The following ATP8A2 variants were observed in gnomAD, a reference collection of about 807,000 sequenced individuals.
The protein encoded by ATP8A2 is phospholipid-transporting ATPase IB.
ATP8A2 carries 100 observed loss-of-function variants against 165.6 expected under a neutral mutation model. That is an observed-to-expected ratio of 0.60 (90% CI 0.51 to 0.71). The LOEUF is 0.71. ATP8A2 is among the 30% of genes least tolerant of loss of function. The pLI is 0.00. For synonymous variants in ATP8A2, 543 were observed against 548.8 expected, an observed-to-expected ratio of 0.99 and a Z score of 0.15; for missense variants, 1,227 against 1,479.5, an observed-to-expected ratio of 0.83 and a Z score of 2.80.
chr13:25,480,088 C>T lies in ATP8A2; in HGVS notation c.221+10967C>T, dbSNP rs1475247486. 8.3e-3 allele frequency among the ~76,000 whole-genome samples: 1,251 copies of T among 150,324 alleles called. 30 individuals carry two copies. Among genetic ancestry groups the T allele is most frequent in the African/African-American group, 0.029 (1,164 of 40,036 alleles). ...GGCGGCTGGGCAGAGGCGCCCCTCA[C>T]CTCCCGGACGGGGCGGCTGGCCGGG... On this transcript the variant is annotated intron_variant, in intron 2 of 36. Coordinates refer to ENST00000381655, the MANE Select transcript of ATP8A2 (RefSeq NM_016529.6).
rs938900258 is a variant in ATP8A2, at chr13:25,821,831, A to C, written c.2680-6287A>C. Among the ~76,000 whole-genome samples, 3 of 152,176 alleles carry C rather than the reference A, an allele frequency of 2.0e-5. No individual in the cohort carries two copies. The South Asian group carries it at 6.2e-4, about 32-fold the overall frequency. ...CTCCCCCAAGGTGTGACAGTAAAAA[A>C]CATTTCCAGATCCTGTCAAATGTCT... On this transcript the variant is annotated intron_variant, in intron 27 of 36. Coordinates refer to ENST00000381655, the MANE Select transcript of ATP8A2 (RefSeq NM_016529.6).
intron 15 of ATP8A2, among the ~76,000 whole-genome samples, chr13:25,561,598 C>T (rs1394074289): frequency 2.6e-5 from 4 of 150,986 alleles, no homozygotes. Flanking sequence ...TGGCTGTGTG[C>T]TCATATATTT....
intron 24 of ATP8A2, among the ~76,000 whole-genome samples, chr13:25,611,327 C>T (rs778089389): frequency 4.0e-5 from 6 of 151,834 alleles, no homozygotes; most frequent in Non-Finnish European, 5.9e-5. Context: ...CCTTGTATGC[C>T]GATTTTGCTG....
intron 27 of ATP8A2, among the ~76,000 whole-genome samples, chr13:25,791,197 A>G (rs776930832): frequency 3.9e-5 from 6 of 152,196 alleles, no homozygotes; most frequent in Non-Finnish European, 8.8e-5. Context: ...ATGGGATACT[A>G]TGCAGCCATA....
At chr13:25,450,563 G>A (rs183946842) in intron 1 of ATP8A2, among the ~76,000 whole-genome samples, 1 of 151,950 alleles carries the variant, frequency 6.6e-6, no homozygotes, top group East Asian at 1.9e-4. Flanking sequence ...ACGGAGTCTC[G>A]CTCTGTCGCC....
chr13:25,700,062 A>G, intron 25 of ATP8A2, among the ~76,000 whole-genome samples: 1 of 152,174 alleles, frequency 6.6e-6, no homozygotes, highest in East Asian at 1.9e-4. Flanking sequence ...GCCTATGGTC[A>G]CAGGATATTC....
intron 1 of ATP8A2, among the ~76,000 whole-genome samples, chr13:25,462,309 G>A (rs954598488): frequency 5.3e-5 from 8 of 152,174 alleles, no homozygotes; most frequent in Admixed American, 4.6e-4. Context: ...CAGGCTGTGG[G>A]CTTCCCAGAC....
At position 26,021,452 on chromosome 13, in the gene ATP8A2, A is replaced by G. The variant is rs542969066; in HGVS notation, c.*1467A>G. The stretch of plus-strand genomic sequence containing the variant: ...TCTGTATCCCATCAGTGTTAGACAC[A>G]GGTACCTATCAGAATACGGCATATC... On this transcript the variant is annotated 3_prime_UTR_variant, in exon 37 of 37. Coordinates refer to ENST00000381655, the MANE Select transcript of ATP8A2 (RefSeq NM_016529.6). 6.6e-6 allele frequency: 1 copy of G among 152,234 alleles called. No homozygotes were observed. Among genetic ancestry groups the G allele is most frequent in the Non-Finnish European group, 1.5e-5 (1 of 68,050 alleles). 9.4% of individuals were successfully genotyped at this position (152,234 alleles called of 1,614,324 possible). A position where few individuals can be genotyped will look rare whatever the true frequency, so the allele number is the denominator to read the frequency against.
chr13:25,733,104 C>T (rs139201157), intron 25 of ATP8A2, among the ~76,000 whole-genome samples: 4 of 152,132 alleles, frequency 2.6e-5, no homozygotes, highest in South Asian at 2.1e-4. Flanking sequence ...AACTGTGTGT[C>T]GTGAAGTCAT....
intron 2 of ATP8A2, among the ~76,000 whole-genome samples, chr13:25,511,228 AT>A (rs35363277): frequency 1.3e-5 from 2 of 151,774 alleles, no homozygotes; most frequent in African/African-American, 2.4e-5. Context: ...TCCTTAAACA[AT>A]TTTTTTTGCA....
At chr13:25,729,051 C>T (rs558745217) in intron 25 of ATP8A2, among the ~76,000 whole-genome samples, 1 of 152,084 alleles carries the variant, frequency 6.6e-6, no homozygotes, top group Non-Finnish European at 1.5e-5. Flanking sequence ...CTCTCCACCT[C>T]TCTCTCCCTT....
chr13:25,539,752 A>T (rs2038410360), intron 7 of ATP8A2, among the ~76,000 whole-genome samples: 1 of 152,228 alleles, frequency 6.6e-6, no homozygotes, highest in African/African-American at 2.4e-5. Context: ...AAATAGGATT[A>T]TAATATCTGT....
intron 25 of ATP8A2, among the ~76,000 whole-genome samples, chr13:25,713,919 T>G (rs565589073): frequency 6.6e-6 from 1 of 152,262 alleles, no homozygotes; most frequent in African/African-American, 2.4e-5. Flanking sequence ...TTACGTAGAC[T>G]GTACAGTTAT....
intron 24 of ATP8A2, among the ~76,000 whole-genome samples, chr13:25,662,751 C>T (rs555147813): frequency 8.5e-5 from 13 of 152,280 alleles, no homozygotes; most frequent in East Asian, 1.9e-4. Flanking sequence ...CACTATTAGC[C>T]GGTGGATCTG....
At chr13:25,517,185 G>A (rs542359123) in intron 2 of ATP8A2, 4 of 150,874 alleles carry the variant, frequency 2.7e-5, no homozygotes, top group East Asian at 3.9e-4. Context: ...TGATCCCTGC[G>A]CAAGGATGAC....
chr13:25,469,178 C>T, intron 2 of ATP8A2, 57 bp downstream of exon 2: 3 of 1,586,688 alleles, frequency 1.9e-6, no homozygotes, highest in Non-Finnish European at 2.6e-6. Flanking sequence ...TGGGAAGGGG[C>T]TCGTCCTCCT....
At chr13:25,777,264 C>T (rs1355620722) in intron 27 of ATP8A2, among the ~76,000 whole-genome samples, 1 of 152,112 alleles carries the variant, frequency 6.6e-6, no homozygotes, top group East Asian at 1.9e-4. Context: ...CTTGACCGAG[C>T]CTATATGGTT....
intron 1 of ATP8A2, among the ~76,000 whole-genome samples, chr13:25,453,301 A>T (rs1417471709): frequency 6.6e-6 from 1 of 151,310 alleles, no homozygotes; most frequent in Non-Finnish European, 1.5e-5. Flanking sequence ...TAATTTTTGT[A>T]TTTTTAGTAA....
chr13:25,585,085 CAT>C (rs775809637), intron 23 of ATP8A2, among the ~76,000 whole-genome samples: 18 of 152,180 alleles, frequency 1.2e-4, no homozygotes, highest in South Asian at 4.1e-4. Flanking sequence ...AGTTCCAAGA[CAT>C]GTGTGTCTCC....
Sources: gnomAD v4.1 joint callset for allele counts (sites outside exome capture counted in the v4.1 genomes callset) on GRCh38, gnomAD v4.1.1 for gene constraint, MANE v1.5 for transcripts, NCBI Gene and HGNC (gene_info 2026-07-23, HGNC 2026-07-21) for gene names.